Variants in ADAM29 observed in about 807,000 individuals in gnomAD.
ADAM29 encodes disintegrin and metalloproteinase domain-containing protein 29.
For missense variants in ADAM29, 969 were observed against 1,001.8 expected, an observed-to-expected ratio of 0.97 and a Z score of 0.44; for synonymous variants, 367 against 342.3, an observed-to-expected ratio of 1.07 and a Z score of -0.80.
At chr4:174,959,743 C>T (rs926100559) in intron 4 of ADAM29, among the ~76,000 whole-genome samples, 3 of 151,778 alleles carry the variant, frequency 2.0e-5, no homozygotes, top group Non-Finnish European at 2.9e-5. Context: ...CCGCTAGCTT[C>T]GTTTATTATT....
chr4:174,945,553 A>G (rs1361295285), intron 4 of ADAM29, among the ~76,000 whole-genome samples: 1 of 152,152 alleles, frequency 6.6e-6, no homozygotes, highest in Non-Finnish European at 1.5e-5. Context: ...CATCTTCATC[A>G]TGAAGTCTTT....
At chr4:174,958,643 A>C (rs1035978520) in intron 4 of ADAM29, among the ~76,000 whole-genome samples, 1 of 151,858 alleles carries the variant, frequency 6.6e-6, no homozygotes, top group African/African-American at 2.4e-5. Flanking sequence ...GATTACTCAT[A>C]TATTTATGTT....
intron 4 of ADAM29, among the ~76,000 whole-genome samples, chr4:174,966,576 C>T (rs1312294594): frequency 6.6e-6 from 1 of 152,210 alleles, no homozygotes. Flanking sequence ...AGTCCAAAAC[C>T]TAGCAAGGCA....
At chr4:174,973,835 C>T (rs35159384) in intron 4 of ADAM29, among the ~76,000 whole-genome samples, 42,623 of 152,022 alleles carry the variant, frequency 0.28, 6,271 homozygotes, top group African/African-American at 0.37. Flanking sequence ...ACAAAAACAA[C>T]GAGGCTTTGG....
At chr4:174,943,228 T>C (rs1744648851) in intron 4 of ADAM29, among the ~76,000 whole-genome samples, 1 of 152,204 alleles carries the variant, frequency 6.6e-6, no homozygotes, top group Admixed American at 6.5e-5. Flanking sequence ...CACATCTTCC[T>C]GTCTTTTTCT....
Position 174,976,354 on chromosome 4 carries a change from A to T in ADAM29, c.829A>T (p.Ile277Phe), listed in dbSNP as rs759321988. ...GTATTGCAAGTGGAAGTCGGAGAAC[A>T]TTACGCCCCGGATGCAACATGACAC... is the stretch of plus-strand genomic sequence containing the variant. ...HLYCKWKSEN[I>F]TPRMQHDTSH... Residue 277 changes from isoleucine to phenylalanine, a missense_variant, in exon 5 of 5, where the codon ATT becomes TTT. Ile to Phe is a conservative substitution (Grantham distance 21, BLOSUM62 0). Coordinates refer to ENST00000359240, the MANE Select transcript of ADAM29 (RefSeq NM_014269.4). The T allele has an allele frequency of 7.5e-6, 12 of 1,608,326 alleles. No individual in the cohort carries two copies. Among genetic ancestry groups the T allele is most frequent in the Non-Finnish European group, 1.0e-5 (12 of 1,177,880 alleles).
At chr4:174,951,042 C>T (rs1745145554) in intron 4 of ADAM29, among the ~76,000 whole-genome samples, 1 of 152,158 alleles carries the variant, frequency 6.6e-6, no homozygotes, top group African/African-American at 2.4e-5. Flanking sequence ...TACTTTTCTT[C>T]ATAATTTACA....
At chr4:174,958,733 T>A (rs1745646632) in intron 4 of ADAM29, among the ~76,000 whole-genome samples, 1 of 151,872 alleles carries the variant, frequency 6.6e-6, no homozygotes, top group Non-Finnish European at 1.5e-5. Context: ...CTACTTTTTT[T>A]GTTTTAATTA....
chr4:174,927,432 A>T (rs9992501), intron 2 of ADAM29, among the ~76,000 whole-genome samples: 1 of 151,982 alleles, frequency 6.6e-6, no homozygotes, highest in East Asian at 1.9e-4. Flanking sequence ...ACTATGTTGA[A>T]TGTTCTAATC....
At chr4:174,968,923 T>G (rs1746308532) in intron 4 of ADAM29, among the ~76,000 whole-genome samples, 1 of 152,060 alleles carries the variant, frequency 6.6e-6, no homozygotes. Flanking sequence ...ATGAAATTCA[T>G]TTCCTACATT....
At chr4:174,974,234 C>G (rs959595338) in intron 4 of ADAM29, among the ~76,000 whole-genome samples, 3 of 152,174 alleles carry the variant, frequency 2.0e-5, no homozygotes, top group African/African-American at 7.2e-5. Flanking sequence ...CTTTTCCATT[C>G]TTAGTCATTT....
At chr4:174,945,617 C>T (rs1354116566) in intron 4 of ADAM29, among the ~76,000 whole-genome samples, 2 of 151,990 alleles carry the variant, frequency 1.3e-5, no homozygotes, top group Non-Finnish European at 2.9e-5. Context: ...AGGGTTTTTA[C>T]AGTTTTAGGT....
chr4:174,944,926 T>C (rs1043743474), intron 4 of ADAM29, among the ~76,000 whole-genome samples: 1 of 152,208 alleles, frequency 6.6e-6, no homozygotes, highest in African/African-American at 2.4e-5. Context: ...TTATCTAGTC[T>C]GTCATTGATG....
intron 2 of ADAM29, among the ~76,000 whole-genome samples, chr4:174,923,519 T>TTATATG (rs1553970124): frequency 1.4e-4 from 5 of 36,730 alleles, no homozygotes; most frequent in Admixed American, 5.1e-4. Flanking sequence ...ATACTGTGCA[T>TTATATG]TATATGTATA....
rs1201716373 is a variant in ADAM29 at position 174,955,819 on chromosome 4, G to A, written c.-181+18806G>A. On this transcript the variant is annotated intron_variant, in intron 4 of 4. Transcript: ENST00000359240. Reference sequence around the variant, plus strand: ...TACCTTTCCATATACAATTTCCTTGGAAATTACCAAAAGGAGGAAGCTTTG... The same window carrying A: ...TACCTTTCCATATACAATTTCCTTGAAAATTACCAAAAGGAGGAAGCTTTG... Among the ~76,000 whole-genome samples, 3 of 151,856 alleles carry A rather than the reference G, an allele frequency of 2.0e-5. No homozygotes were observed. The East Asian group carries it at 5.8e-4, about 29-fold the overall frequency.
intron 4 of ADAM29, among the ~76,000 whole-genome samples, chr4:174,945,961 C>G (rs532273945): frequency 6.6e-6 from 1 of 152,144 alleles, no homozygotes; most frequent in South Asian, 2.1e-4. Context: ...TTAGAATTGC[C>G]TTGACTATTT....
At chr4:174,973,538 G>A (rs998754329) in intron 4 of ADAM29, among the ~76,000 whole-genome samples, 9 of 152,166 alleles carry the variant, frequency 5.9e-5, no homozygotes, top group East Asian at 3.9e-4. Flanking sequence ...CCACTCTGCC[G>A]TTTTGCTGAT....
chr4:174,952,362 A>G (rs1024047546), intron 4 of ADAM29, among the ~76,000 whole-genome samples: 4 of 151,798 alleles, frequency 2.6e-5, no homozygotes, highest in African/African-American at 9.7e-5. Context: ...ACACACACAC[A>G]CACACACACA....
intron 4 of ADAM29, among the ~76,000 whole-genome samples, chr4:174,947,576 T>C (rs1744927046): frequency 6.6e-6 from 1 of 152,234 alleles, no homozygotes; most frequent in South Asian, 2.1e-4. Flanking sequence ...TTACTATTGA[T>C]TTCTATTTTT....
Sources: allele counts gnomAD v4.1 joint callset (sites outside exome capture counted in the v4.1 genomes callset), GRCh38; gene constraint gnomAD v4.1.1; transcripts MANE v1.5; gene names NCBI Gene and HGNC (gene_info 2026-07-23, HGNC 2026-07-21).